INPP4B: variants seen among roughly 807,000 people sequenced by gnomAD.
The protein encoded by INPP4B is inositol polyphosphate-4-phosphatase type II B.
Under a neutral mutation model 122.5 loss-of-function variants are expected in INPP4B, and 55 were observed. That is an observed-to-expected ratio of 0.45 (90% confidence interval 0.36 to 0.56). The LOEUF (loss-of-function observed/expected upper bound fraction) is 0.56, where lower values mean the gene tolerates loss of function less well. Ranked by LOEUF, INPP4B falls within the 20% of genes least tolerant of loss-of-function variation. The pLI is 0.00. For missense variants in INPP4B, 1,000 were observed against 1,097.7 expected (o/e 0.91, Z 1.26); for synonymous variants, 403 against 388.7 (o/e 1.04, Z -0.43).
chr4:142,260,614 A>G (rs770908180), intron 10 of INPP4B, 50 bp from the exon 11 acceptor site: 3 of 1,199,080 alleles, frequency 2.5e-6, no homozygotes, highest in Non-Finnish European at 3.6e-6. Context: ...CAATCAAAAT[A>G]AGGAATGATA....
At chr4:142,842,077 T>A (rs1783565491) in intron 1 of INPP4B, among the ~76,000 whole-genome samples, 1 of 151,842 alleles carries the variant, frequency 6.6e-6, no homozygotes, top group South Asian at 2.1e-4. Flanking sequence ...TTGATTTAGA[T>A]AATTCCCAAA....
At chr4:142,220,646 C>A (rs1395404985) in intron 12 of INPP4B, among the ~76,000 whole-genome samples, 1 of 152,070 alleles carries the variant, frequency 6.6e-6, no homozygotes, top group Non-Finnish European at 1.5e-5. Context: ...AGCTTTGGAG[C>A]CTGTTTTAGT....
At chr4:142,720,803 C>CTATATA (rs1274255676) in intron 2 of INPP4B, among the ~76,000 whole-genome samples, 38 of 18,636 alleles carry the variant, frequency 2.0e-3, no homozygotes, top group East Asian at 4.6e-3. Context: ...CTCTCTCTCT[C>CTATATA]TCTCTCTATA....
Position 142,270,383 on chromosome 4 carries a change from A to G in INPP4B, c.615+280T>C, listed in dbSNP as rs77812270. On this transcript the variant is annotated intron_variant, in intron 10 of 25. Transcript: ENST00000262992. ...TTATGGTAAAATGCGACAATGATCA[A>G]TACTTTTGTTCCAACTGAGAAGAGG... is the stretch of plus-strand genomic sequence containing the variant. Among the ~76,000 whole-genome samples, 563 of 152,304 alleles carry G rather than the reference A, an allele frequency of 3.7e-3. 8 individuals carry two copies. The highest frequency in any genetic ancestry group is 0.013 in the African/African-American group (526 of 41,548).
intron 22 of INPP4B, among the ~76,000 whole-genome samples, chr4:142,111,439 C>A (rs1386205675): frequency 6.6e-6 from 1 of 151,966 alleles, no homozygotes; most frequent in Non-Finnish European, 1.5e-5. Flanking sequence ...CTCTGCCTCC[C>A]CAGTTCAAGC....
At chr4:142,169,276 T>C (rs1223956770) in intron 16 of INPP4B, among the ~76,000 whole-genome samples, 1 of 151,686 alleles carries the variant, frequency 6.6e-6, no homozygotes, top group Non-Finnish European at 1.5e-5. Flanking sequence ...TTCATTTTTA[T>C]CTAAACCATT....
At chr4:142,140,607 G>A (rs1032764332) in intron 18 of INPP4B, among the ~76,000 whole-genome samples, 3 of 152,168 alleles carry the variant, frequency 2.0e-5, no homozygotes, top group Admixed American at 1.3e-4. Flanking sequence ...TATGAAGGAT[G>A]AAAGAAACAG....
chr4:142,812,768 T>G (rs1779665894), intron 1 of INPP4B, among the ~76,000 whole-genome samples: 1 of 152,192 alleles, frequency 6.6e-6, no homozygotes, highest in African/African-American at 2.4e-5. Flanking sequence ...TTCTAGAATC[T>G]GCAGACTCTA....
intron 7 of INPP4B, among the ~76,000 whole-genome samples, chr4:142,329,853 A>C (rs1246647677): frequency 1.3e-5 from 2 of 152,248 alleles, no homozygotes; most frequent in Admixed American, 6.5e-5. Flanking sequence ...TTTAGTGCTA[A>C]ATAATAAATA....
chr4:142,846,398 G>C (rs1784206786), upstream of INPP4B: 1 of 152,472 alleles, frequency 6.6e-6, no homozygotes. This position sits in a 1 kb window ranked among gnomAD's most constrained non-coding sequence, Gnocchi z 5.1. Flanking sequence ...CGACGGCGCA[G>C]GGCGCCGGCC....
intron 2 of INPP4B, among the ~76,000 whole-genome samples, chr4:142,665,384 C>A (rs905863870): frequency 1.1e-4 from 17 of 151,248 alleles, no homozygotes; most frequent in Admixed American, 2.6e-4. Context: ...GTCCCAGCTA[C>A]TCGGGAGGCT....
At chr4:142,640,535 C>T (rs114881864) in intron 2 of INPP4B, among the ~76,000 whole-genome samples, 1,750 of 151,756 alleles carry the variant, frequency 0.012, 29 homozygotes, top group African/African-American at 0.032. Flanking sequence ...ATATAATATA[C>T]AGGGATATAA....
intron 15 of INPP4B, among the ~76,000 whole-genome samples, chr4:142,188,615 T>G: frequency 6.7e-6 from 1 of 149,446 alleles, no homozygotes; most frequent in Admixed American, 6.7e-5. Flanking sequence ...AAGTCAAAGG[T>G]CTAAGTGGAG....
intron 17 of INPP4B, among the ~76,000 whole-genome samples, chr4:142,154,078 T>C (rs533847305): frequency 1.1e-4 from 17 of 152,240 alleles, no homozygotes; most frequent in Admixed American, 7.9e-4. Context: ...AGTTGCCATA[T>C]AGGGAACAAC....
At chr4:142,092,405 C>T (rs1779989360) in intron 23 of INPP4B, among the ~76,000 whole-genome samples, 1 of 152,180 alleles carries the variant, frequency 6.6e-6, no homozygotes, top group Non-Finnish European at 1.5e-5. Context: ...GTTCTCCCGC[C>T]TCAGCCTCCC....
intron 7 of INPP4B, among the ~76,000 whole-genome samples, chr4:142,337,288 A>T (rs549339459): frequency 6.6e-6 from 1 of 152,024 alleles, no homozygotes; most frequent in Non-Finnish European, 1.5e-5. Context: ...TTGCATGTGT[A>T]TCTGGAGACC....
At chr4:142,531,346 G>A (rs541981976) in intron 2 of INPP4B, among the ~76,000 whole-genome samples, 2 of 152,090 alleles carry the variant, frequency 1.3e-5, no homozygotes, top group African/African-American at 4.8e-5. Context: ...TAACTTTTCA[G>A]TTGAAATATG....
At chr4:142,169,954 T>C (rs1824768270) in intron 16 of INPP4B, among the ~76,000 whole-genome samples, 1 of 151,696 alleles carries the variant, frequency 6.6e-6, no homozygotes, top group African/African-American at 2.4e-5. Flanking sequence ...CGCTAATAGA[T>C]TTCTGAGCTA....
chr4:142,648,375 C>A (rs1305024057), intron 2 of INPP4B, among the ~76,000 whole-genome samples: 1 of 152,180 alleles, frequency 6.6e-6, no homozygotes, highest in Non-Finnish European at 1.5e-5. Flanking sequence ...TATTGCCTCA[C>A]CCAGGAAGCA....
Sources: allele counts gnomAD v4.1 joint callset (sites outside exome capture counted in the v4.1 genomes callset), GRCh38; gene constraint gnomAD v4.1.1; non-coding constraint Gnocchi (gnomAD v3.1); transcripts MANE v1.5; gene names NCBI Gene and HGNC (gene_info 2026-07-23, HGNC 2026-07-21).